Variants in B3GALT1 observed in about 807,000 individuals in gnomAD.
The protein encoded by B3GALT1 is beta-1,3-galactosyltransferase 1.
Under a neutral mutation model 23.2 loss-of-function variants are expected in B3GALT1, and 10 were observed. The observed-to-expected ratio is 0.43, with a 90% CI of 0.27 to 0.73. B3GALT1 has a LOEUF of 0.73. B3GALT1 is among the 30% of genes least tolerant of loss of function. The probability of loss-of-function intolerance (pLI) is 0.21; values close to 1 mark genes in which losing one functional copy is unlikely to be tolerated. For synonymous variants in B3GALT1, 156 were observed against 141.5 expected (o/e 1.10, Z -0.73); for missense variants, 299 against 405.4 (o/e 0.74, Z 2.25).
chr2:167,360,441 G>A (rs1357456440), intron 1 of B3GALT1, among the ~76,000 whole-genome samples: 2 of 152,136 alleles, frequency 1.3e-5, no homozygotes, highest in Non-Finnish European at 2.9e-5. Context: ...CTAGTCAGTA[G>A]GAGCGATCTG....
At chr2:167,415,315 C>T (rs1245415870) in intron 1 of B3GALT1, among the ~76,000 whole-genome samples, 1 of 152,214 alleles carries the variant, frequency 6.6e-6, no homozygotes, top group African/African-American at 2.4e-5. Context: ...ATACCCTGAG[C>T]CATCTCAGGT....
intron 2 of B3GALT1, among the ~76,000 whole-genome samples, chr2:167,538,989 T>A (rs978884958): frequency 6.6e-6 from 1 of 152,182 alleles, no homozygotes; most frequent in Non-Finnish European, 1.5e-5. Flanking sequence ...CCTTGTTACT[T>A]GTATAAAAAA....
intron 1 of B3GALT1, among the ~76,000 whole-genome samples, chr2:167,316,838 C>T (rs763725928): frequency 8.5e-5 from 13 of 152,050 alleles, no homozygotes; most frequent in African/African-American, 1.4e-4. Context: ...TACTTGCACT[C>T]GAGTCCTTGT....
Position 167,869,816 on chromosome 2 carries a change from G to C in B3GALT1, c.777G>C (p.Arg259Ser). 1 of 1,614,072 alleles carries C rather than the reference G, an allele frequency of 6.2e-7. No homozygotes were observed. Residue 259 changes from arginine (R) to serine (S), a missense_variant, in exon 5 of 5, where the codon AGG becomes AGC. Arg to Ser is a moderately radical substitution (Grantham distance 110). Around this residue, in one of 3 missense-constraint regions of B3GALT1, gnomAD observed 133 missense variants for 204.8 expected, o/e 0.65. Transcript: ENST00000392690. The surrounding 1 kb of genome is among the most constrained non-coding windows in gnomAD (Gnocchi z 6.4). ...TTTACAAGACCTCACTCCACACAAG[G>C]CTGCTTCACCTTGAAGACGTATATG... ...ELIYKTSLHT[R>S]LLHLEDVYVG...
rs944677101 is a variant in B3GALT1 at position 167,791,075 on chromosome 2, A to C, written c.-351-27597A>C. 1.8e-4 allele frequency among the ~76,000 whole-genome samples: 28 copies of C among 152,292 alleles called. 2 individuals are homozygous for C. In the South Asian group the frequency reaches 5.8e-3, roughly 32 times the overall value. On this transcript the variant is annotated intron_variant, in intron 3 of 4. Transcript: ENST00000392690. ...ATTATTATTTATCCACCAAACACTT[A>C]CACAGCGCTTCCTATGTGCCAGGCT...
At chr2:167,774,853 A>G (rs1216882410) in intron 3 of B3GALT1, among the ~76,000 whole-genome samples, 3 of 152,184 alleles carry the variant, frequency 2.0e-5, no homozygotes, top group African/African-American at 7.2e-5. Flanking sequence ...TCTTAATTAC[A>G]TTAATAAACT....
intron 2 of B3GALT1, among the ~76,000 whole-genome samples, chr2:167,549,198 G>A (rs56195512): frequency 1.3e-5 from 2 of 152,156 alleles, no homozygotes; most frequent in Non-Finnish European, 2.9e-5. Context: ...GTTAAAAATA[G>A]CAATGCACGT....
chr2:167,335,551 C>T (rs535337774), intron 1 of B3GALT1, among the ~76,000 whole-genome samples: 2 of 152,288 alleles, frequency 1.3e-5, no homozygotes, highest in South Asian at 2.1e-4. Context: ...TCATGAGTTT[C>T]CGGGGAAGGG....
intron 4 of B3GALT1, among the ~76,000 whole-genome samples, chr2:167,833,067 C>G (rs1389449946): frequency 6.6e-6 from 1 of 152,178 alleles, no homozygotes; most frequent in East Asian, 1.9e-4. Flanking sequence ...AAGGGACAGG[C>G]AGAGGGGCAA....
At chr2:167,365,137 C>G (rs1049344838) in intron 1 of B3GALT1, among the ~76,000 whole-genome samples, 2 of 152,108 alleles carry the variant, frequency 1.3e-5, no homozygotes, top group African/African-American at 4.8e-5. Context: ...TTTGACTACA[C>G]GTAGTTTCCT....
At chr2:167,587,133 TTTG>T (rs1684597178) in intron 2 of B3GALT1, among the ~76,000 whole-genome samples, 1 of 152,222 alleles carries the variant, frequency 6.6e-6, no homozygotes, top group Non-Finnish European at 1.5e-5. Context: ...TCAATTATTA[TTTG>T]TTATCACTTA....
intron 4 of B3GALT1, among the ~76,000 whole-genome samples, chr2:167,854,336 C>T (rs1292463214): frequency 6.6e-6 from 1 of 152,138 alleles, no homozygotes; most frequent in Non-Finnish European, 1.5e-5. Flanking sequence ...CTCATGGACT[C>T]TCTTGAAGGG....
At chr2:167,774,743 G>A (rs957440998) in intron 3 of B3GALT1, among the ~76,000 whole-genome samples, 5 of 151,780 alleles carry the variant, frequency 3.3e-5, no homozygotes, top group Admixed American at 2.0e-4. Flanking sequence ...TGATCCACCC[G>A]CCTCAGCCTC....
At chr2:167,506,046 C>T (rs868063968) in intron 2 of B3GALT1, among the ~76,000 whole-genome samples, 8 of 151,784 alleles carry the variant, frequency 5.3e-5, no homozygotes, top group South Asian at 4.2e-4. Context: ...GGTGACAGAG[C>T]GAGACTCCAC....
At chr2:167,656,842 C>G (rs1685963856) in intron 3 of B3GALT1, among the ~76,000 whole-genome samples, 2 of 151,996 alleles carry the variant, frequency 1.3e-5, no homozygotes, top group Admixed American at 1.3e-4. Flanking sequence ...AGAGTTGGAA[C>G]CCCTAAAGGA....
At chr2:167,338,725 A>G (rs1697099376) in intron 1 of B3GALT1, among the ~76,000 whole-genome samples, 1 of 152,128 alleles carries the variant, frequency 6.6e-6, no homozygotes, top group Admixed American at 6.6e-5. Flanking sequence ...TATAAGCCAT[A>G]ATGGAAAAAA....
chr2:167,798,688 G>A (rs1015013760), intron 3 of B3GALT1, among the ~76,000 whole-genome samples: 3 of 152,032 alleles, frequency 2.0e-5, no homozygotes, highest in East Asian at 1.9e-4. Context: ...TACTGTAGCC[G>A]TGTAGTATAG....
intron 1 of B3GALT1, among the ~76,000 whole-genome samples, chr2:167,335,467 C>T (rs1193768167): frequency 6.6e-6 from 1 of 152,104 alleles, no homozygotes; most frequent in African/African-American, 2.4e-5. Flanking sequence ...ATAGGCAGAG[C>T]AGCAGCATGG....
intron 3 of B3GALT1, among the ~76,000 whole-genome samples, chr2:167,705,116 A>G (rs927906039): frequency 9.1e-4 from 138 of 152,316 alleles, no homozygotes; most frequent in African/African-American, 3.1e-3. Context: ...GCCCTGAGAT[A>G]CACAGACATA....
Sources: gnomAD v4.1 joint callset for allele counts (sites outside exome capture counted in the v4.1 genomes callset) on GRCh38, gnomAD v4.1.1 for gene constraint, gnomAD v4.1.1 regional missense constraint, Gnocchi (gnomAD v3.1) non-coding constraint, MANE v1.5 for transcripts, NCBI Gene and HGNC (gene_info 2026-07-23, HGNC 2026-07-21) for gene names.